Variants in GRM8 observed in about 807,000 individuals in gnomAD.
GRM8 encodes glutamate metabotropic receptor 8, also known as metabotropic glutamate receptor 8.
GRM8 carries 47 observed loss-of-function variants against 87.2 expected under a neutral mutation model. The ratio of observed to expected loss-of-function variants is 0.54; its 90% CI spans 0.43 to 0.69. The LOEUF is 0.69. Ranked by LOEUF, GRM8 falls within the 30% of genes least tolerant of loss-of-function variation. The pLI is 0.00. For missense variants in GRM8, 1,019 were observed against 1,139.2 expected, an observed-to-expected ratio of 0.89 and a Z score of 1.52; for synonymous variants, 396 against 404.5, an observed-to-expected ratio of 0.98 and a Z score of 0.25.
At chr7:126,724,405 T>A (rs1211300155) in intron 7 of GRM8, among the ~76,000 whole-genome samples, 1 of 152,086 alleles carries the variant, frequency 6.6e-6, no homozygotes, top group Non-Finnish European at 1.5e-5. Flanking sequence ...GCAGGAAAAC[T>A]CGAGGCCCTA....
chr7:126,621,091 A>G (rs548993554), intron 7 of GRM8, among the ~76,000 whole-genome samples: 1 of 152,354 alleles, frequency 6.6e-6, no homozygotes, highest in South Asian at 2.1e-4. Context: ...CCAAAATGCC[A>G]TAGGAAGTAG....
At chr7:127,116,540 A>G (rs1826712941) in intron 2 of GRM8, among the ~76,000 whole-genome samples, 1 of 152,198 alleles carries the variant, frequency 6.6e-6, no homozygotes, top group African/African-American at 2.4e-5. Context: ...CGGCAATTGT[A>G]ATGGTTGTTG....
At chr7:126,953,209 C>A (rs1350410769) in intron 3 of GRM8, among the ~76,000 whole-genome samples, 1 of 152,060 alleles carries the variant, frequency 6.6e-6, no homozygotes, top group Non-Finnish European at 1.5e-5. Flanking sequence ...AAAAAAACCA[C>A]TGATGTGAAA....
intron 3 of GRM8, among the ~76,000 whole-genome samples, chr7:127,036,152 C>T (rs948211120): frequency 1.3e-5 from 2 of 152,140 alleles, no homozygotes; most frequent in African/African-American, 2.4e-5. Flanking sequence ...CAGTGTTCTA[C>T]ACTTTATTTC....
chr7:126,849,018 A>C (rs1040428062), intron 6 of GRM8, among the ~76,000 whole-genome samples: 1 of 152,132 alleles, frequency 6.6e-6, no homozygotes, highest in Non-Finnish European at 1.5e-5. Context: ...ACTCCCCCTT[A>C]TAAAACCATC....
chr7:126,463,471 C>A (rs1804128411), intron 9 of GRM8, among the ~76,000 whole-genome samples: 1 of 151,512 alleles, frequency 6.6e-6, no homozygotes, highest in African/African-American at 2.4e-5. Context: ...TAACGATTGA[C>A]CTTGTGCACA....
At chr7:126,662,683 T>C (rs1037444545) in intron 7 of GRM8, among the ~76,000 whole-genome samples, 1 of 152,064 alleles carries the variant, frequency 6.6e-6, no homozygotes. Flanking sequence ...CTCAAAAACA[T>C]AATAAGCTAA....
chr7:126,822,867 A>G (rs1794429890), intron 6 of GRM8, among the ~76,000 whole-genome samples: 1 of 152,196 alleles, frequency 6.6e-6, no homozygotes, highest in South Asian at 2.1e-4. Context: ...GATGCAGACA[A>G]TTCCCACATC....
intron 3 of GRM8, among the ~76,000 whole-genome samples, chr7:127,011,439 T>G (rs1814883409): frequency 6.6e-6 from 1 of 152,190 alleles, no homozygotes; most frequent in African/African-American, 2.4e-5. Context: ...ACTAAATTTA[T>G]ACATCTCACT....
At chr7:126,611,021 A>G (rs1798864710) in intron 7 of GRM8, among the ~76,000 whole-genome samples, 1 of 152,202 alleles carries the variant, frequency 6.6e-6, no homozygotes, top group African/African-American at 2.4e-5. Flanking sequence ...CAGACTTAAC[A>G]ATAAATATGA....
At chr7:127,075,907 C>T in intron 3 of GRM8, 1 of 253,390 alleles carries the variant, frequency 3.9e-6, no homozygotes, top group South Asian at 4.5e-5. Context: ...GAATGACTCC[C>T]TATCTTATTC....
intron 3 of GRM8, among the ~76,000 whole-genome samples, chr7:127,011,360 A>G (rs1814876221): frequency 1.3e-5 from 2 of 152,164 alleles, no homozygotes; most frequent in South Asian, 4.1e-4. Flanking sequence ...CATAACTTGA[A>G]GGTTTAACTA....
intron 7 of GRM8, among the ~76,000 whole-genome samples, chr7:126,711,700 C>T (rs1228956856): frequency 6.6e-6 from 1 of 152,228 alleles, no homozygotes; most frequent in Non-Finnish European, 1.5e-5. Context: ...AGCATGGCCA[C>T]CTTCATCAAT....
intron 7 of GRM8, among the ~76,000 whole-genome samples, chr7:126,725,172 A>T (rs534166980): frequency 5.3e-5 from 8 of 152,304 alleles, no homozygotes; most frequent in Non-Finnish European, 8.8e-5. Flanking sequence ...CTCTAAGGGT[A>T]GTTTTATTAT....
chr7:126,609,278 T>C lies in GRM8; in HGVS notation c.1494+84A>G, dbSNP rs547287777. On this transcript the variant is annotated intron_variant, in intron 8 of 10. Coordinates refer to ENST00000339582, the MANE Select transcript of GRM8 (RefSeq NM_000845.3). ...AGAGTTTATTTATGGGGAAAACCTA[T>C]TCTAGCAAAAGTTATACACTTAAAA... 31 of 979,132 alleles carry C rather than the reference T, an allele frequency of 3.2e-5. No individual in the cohort carries two copies. The South Asian group carries it at 5.1e-4, about 16-fold the overall frequency. 60.7% of individuals were successfully genotyped at this position (979,132 alleles called of 1,614,324 possible).
intron 9 of GRM8, among the ~76,000 whole-genome samples, chr7:126,527,512 A>G (rs1260351605): frequency 6.6e-6 from 1 of 152,216 alleles, no homozygotes; most frequent in African/African-American, 2.4e-5. Context: ...ATGTCAGGAG[A>G]CAAGGTACAG....
rs6961515 is a variant in GRM8 at position 127,210,479 on chromosome 7, A to G, written c.510+32216T>C. 7.4e-3 allele frequency among the ~76,000 whole-genome samples: 1,128 copies of G among 152,348 alleles called. 11 individuals are homozygous for G. Among genetic ancestry groups the G allele is most frequent in the African/African-American group, 0.025 (1,050 of 41,576 alleles). ...GTTGTAAGGGAGTAGCCTCTGGCCCATTCAAGTCAAAACTGGATAATTATT... is the reference window on the plus strand; with the variant it reads ...GTTGTAAGGGAGTAGCCTCTGGCCCGTTCAAGTCAAAACTGGATAATTATT... On this transcript the variant is annotated intron_variant, in intron 2 of 10. Transcript: ENST00000339582.
chr7:126,686,017 AG>A (rs1163085465), intron 7 of GRM8, among the ~76,000 whole-genome samples: 1 of 151,686 alleles, frequency 6.6e-6, no homozygotes, highest in Non-Finnish European at 1.5e-5. Flanking sequence ...ACTCAAGCAG[AG>A]GACAGACAGA....
At chr7:126,898,111 C>T (rs1801721376) in intron 6 of GRM8, among the ~76,000 whole-genome samples, 1 of 152,148 alleles carries the variant, frequency 6.6e-6, no homozygotes, top group Non-Finnish European at 1.5e-5. Context: ...CAATGATGTT[C>T]TGAATGAACA....
Sources: gnomAD v4.1 joint callset for allele counts (sites outside exome capture counted in the v4.1 genomes callset) on GRCh38, gnomAD v4.1.1 for gene constraint, MANE v1.5 for transcripts, NCBI Gene and HGNC (gene_info 2026-07-23, HGNC 2026-07-21) for gene names.